The following SLC38A11 variants were observed in gnomAD, a reference collection of about 807,000 sequenced individuals.
SLC38A11 encodes the protein solute carrier family 38 member 11.
In SLC38A11, 51 loss-of-function variants were observed where a neutral mutation model predicts 49.4. The observed-to-expected ratio is 1.03, with a 90% CI of 0.83 to 1.30. The LOEUF (loss-of-function observed/expected upper bound fraction) is 1.30. Among genes scored for constraint, SLC38A11 ranks in the 50% most tolerant of loss-of-function variants. SLC38A11 has a pLI of 0.00. For missense variants in SLC38A11, 574 were observed against 556.2 expected (o/e 1.03, Z -0.32); for synonymous variants, 203 against 192.9 (o/e 1.05, Z -0.43).
intron 6 of SLC38A11, chr2:164,937,660 T>A (rs1687465342): frequency 2.8e-6 from 1 of 358,076 alleles, no homozygotes; most frequent in African/African-American, 2.1e-5. Flanking sequence ...GTATTATACA[T>A]GACTGTCATC....
chr2:164,925,039 C>T (rs1686471968), intron 7 of SLC38A11, among the ~76,000 whole-genome samples: 1 of 152,184 alleles, frequency 6.6e-6, no homozygotes, highest in African/African-American at 2.4e-5. Flanking sequence ...AGCCACTGTG[C>T]CCGGCCTGAA....
At chr2:164,917,954 G>T (rs139096380) in intron 7 of SLC38A11, among the ~76,000 whole-genome samples, 153 of 152,112 alleles carry the variant, frequency 1.0e-3, no homozygotes, top group South Asian at 7.9e-3. Context: ...TGCCAAAAAA[G>T]ATGTTACAGA....
chr2:164,940,558 T>G (rs1244546758), intron 5 of SLC38A11, among the ~76,000 whole-genome samples: 1 of 151,268 alleles, frequency 6.6e-6, no homozygotes. Flanking sequence ...AGTGAATGAT[T>G]GTGGTAAGAA....
At chr2:164,938,362 C>G (rs1166503088) in intron 6 of SLC38A11, among the ~76,000 whole-genome samples, 3 of 152,134 alleles carry the variant, frequency 2.0e-5, no homozygotes, top group African/African-American at 7.2e-5. Context: ...AACCACTCTG[C>G]TTTGCTCATG....
intron 8 of SLC38A11, 25 bp downstream of exon 8, chr2:164,915,878 A>C: frequency 6.4e-7 from 1 of 1,565,262 alleles, no homozygotes; most frequent in Non-Finnish European, 8.7e-7. Context: ...ACATTGAGAA[A>C]GGGCCTTTGA....
chr2:164,930,759 A>C (rs1371420370), intron 7 of SLC38A11, among the ~76,000 whole-genome samples: 3 of 152,138 alleles, frequency 2.0e-5, no homozygotes, highest in Non-Finnish European at 2.9e-5. Flanking sequence ...CATACCTCAA[A>C]ATAATAAAAG....
intron 7 of SLC38A11, among the ~76,000 whole-genome samples, chr2:164,931,607 G>T (rs771410014): frequency 1.3e-5 from 2 of 152,036 alleles, no homozygotes; most frequent in Non-Finnish European, 2.9e-5. Flanking sequence ...AAAAAGCCTA[G>T]AATTAGGGCT....
intron 7 of SLC38A11, among the ~76,000 whole-genome samples, chr2:164,924,611 A>G (rs558727509): frequency 6.6e-6 from 1 of 152,324 alleles, no homozygotes; most frequent in Admixed American, 6.5e-5. Context: ...AATGGATCAA[A>G]TATTCATTAA....
intron 9 of SLC38A11, 63 bp downstream of exon 9, chr2:164,915,049 G>A (rs914322096): frequency 4.3e-5 from 61 of 1,417,270 alleles, no homozygotes; most frequent in Non-Finnish European, 5.3e-5. Context: ...ACAATAATGA[G>A]TAGAACATTC....
In SLC38A11 at chr2:164,900,247, G is replaced by T. The variant is rs117253383; in HGVS notation, c.1096-1517C>A. ...CTATCTCTTCACTATTGTGAATAATGCTTCAATGAACATGGGAGTGCAGAT... is the reference window on the plus strand; with the variant it reads ...CTATCTCTTCACTATTGTGAATAATTCTTCAATGAACATGGGAGTGCAGAT... On this transcript the variant is annotated intron_variant, in intron 11 of 11. Transcript: ENST00000685975. 1.6e-4 allele frequency among the ~76,000 whole-genome samples: 24 copies of T among 152,138 alleles called. No homozygotes were observed. In the East Asian group the frequency reaches 4.4e-3, roughly 28 times the overall value.
chr2:164,919,091 C>T (rs1387877971), intron 7 of SLC38A11, among the ~76,000 whole-genome samples: 1 of 152,106 alleles, frequency 6.6e-6, no homozygotes, highest in Non-Finnish European at 1.5e-5. Flanking sequence ...AATCCCTGCA[C>T]TTTGGGAGGC....
Position 164,911,656 on chromosome 2 carries a change from C to A in SLC38A11, c.943G>T (p.Glu315Ter), listed in dbSNP as rs1199175173. ...CTTACCTCTCTTGTCACAAAGCATTCCATAGGGTATGTCAAAATGACAGTG... is the reference window on the plus strand; with the variant it reads ...CTTACCTCTCTTGTCACAAAGCATTACATAGGGTATGTCAAAATGACAGTG... ...GVTVILTYPM[E>*]CFVTREVIAN... The change falls in exon 10 of 12, where the codon GAA (glutamate) becomes TAA (stop). Residue 315 changes from glutamate to a stop codon, truncating the protein, a stop_gained. Transcript: ENST00000685975. LOFTEE classifies it high-confidence loss of function. The A allele has an allele frequency of 6.2e-7, 1 of 1,601,006 alleles. No homozygotes were observed. Among genetic ancestry groups the A allele is most frequent in the Admixed American group, 1.7e-5 (1 of 58,370 alleles).
In SLC38A11 at chr2:164,937,284, A is replaced by C. The variant is rs776672040; in HGVS notation, c.617+66T>G. ...ATGGTTACTTTATATTTCTGCATTT[A>C]TGCCATCTAAATATCTATGTGGAGG... On this transcript the variant is annotated intron_variant, in intron 7 of 11. Coordinates refer to ENST00000685975, the MANE Select transcript of SLC38A11 (RefSeq NM_001351537.2). 2.9e-6 allele frequency: 3 copies of C among 1,029,928 alleles called. No homozygotes were observed. The South Asian group carries it at 4.0e-5, about 14-fold the overall frequency. 63.8% of individuals were successfully genotyped at this position (1,029,928 alleles called of 1,614,324 possible). A position where few individuals can be genotyped will look rare whatever the true frequency, so the allele number is the denominator to read the frequency against.
intron 11 of SLC38A11, among the ~76,000 whole-genome samples, chr2:164,901,668 T>G (rs1684657594): frequency 6.6e-6 from 1 of 152,196 alleles, no homozygotes. Context: ...AGCTTTGGGA[T>G]TTTCCACATA....
chr2:164,939,393 G>A, intron 6 of SLC38A11, 57 bp downstream of exon 6: 1 of 1,194,880 alleles, frequency 8.4e-7, no homozygotes, highest in East Asian at 2.4e-5. Context: ...CAAGTAGACA[G>A]TAGATTATGC....
At chr2:164,921,784 A>G (rs1350723880) in intron 7 of SLC38A11, among the ~76,000 whole-genome samples, 5 of 152,228 alleles carry the variant, frequency 3.3e-5, no homozygotes, top group Non-Finnish European at 7.3e-5. Flanking sequence ...TTTTAACAGC[A>G]ATGATTCGTG....
In SLC38A11 at chr2:164,908,688, C is replaced by T. The variant is rs201798917; in HGVS notation, c.1047G>A (p.Thr349=). The T allele has an allele frequency of 1.9e-5, 30 of 1,608,920 alleles. No individual in the cohort carries two copies. The highest frequency in any genetic ancestry group is 2.2e-5 in the East Asian group (1 of 44,680). ...VVTVMVITVA[T]LVSLLIDCLG... ...GGCAATCAATCAGCAATGACACAAG[C>T]GTGGCTACAGTGATGACCATCACTG... The change falls in exon 11 of 12, where the codon ACG becomes ACA. Residue 349 remains threonine, a synonymous_variant. Transcript: ENST00000685975.
chr2:164,924,653 T>TA (rs1237765843), intron 7 of SLC38A11, among the ~76,000 whole-genome samples: 4 of 152,132 alleles, frequency 2.6e-5, no homozygotes, highest in African/African-American at 9.7e-5. Flanking sequence ...ATAAACTTAT[T>TA]AAAAAGCTGA....
intron 2 of SLC38A11, among the ~76,000 whole-genome samples, chr2:164,954,169 A>T (rs1320399506): frequency 6.6e-6 from 1 of 152,152 alleles, no homozygotes; most frequent in African/African-American, 2.4e-5. Flanking sequence ...TATGAATTTA[A>T]TTTTTCATAA....
Sources: gnomAD v4.1 joint callset for allele counts (sites outside exome capture counted in the v4.1 genomes callset) on GRCh38, gnomAD v4.1.1 for gene constraint, MANE v1.5 for transcripts, NCBI Gene and HGNC (gene_info 2026-07-23, HGNC 2026-07-21) for gene names.